TMTC2: variants seen among roughly 807,000 people sequenced by gnomAD.
TMTC2 encodes transmembrane O-mannosyltransferase targeting cadherins 2, also known as protein O-mannosyl-transferase TMTC2.
In TMTC2, 43 loss-of-function variants were observed where a neutral mutation model predicts 82.4. The observed-to-expected ratio is 0.52, with a 90% CI of 0.41 to 0.67. The LOEUF is 0.67. TMTC2 is among the 30% of genes least tolerant of loss of function. The pLI, the probability that TMTC2 is intolerant of heterozygous loss-of-function variation, is 0.00. For missense variants in TMTC2, 919 were observed against 1,012.4 expected (o/e 0.91, Z 1.25); for synonymous variants, 408 against 381.9 (o/e 1.07, Z -0.80).
At chr12:83,109,849 A>C (rs990204284) in intron 11 of TMTC2, among the ~76,000 whole-genome samples, 2 of 152,234 alleles carry the variant, frequency 1.3e-5, no homozygotes, top group African/African-American at 2.4e-5. Flanking sequence ...ATGAATAAAG[A>C]AAAACACTTT....
At chr12:82,837,453 C>CAA (rs1045179082) in intron 1 of TMTC2, among the ~76,000 whole-genome samples, 1 of 151,348 alleles carries the variant, frequency 6.6e-6, no homozygotes, top group African/African-American at 2.4e-5. Context: ...AAAAACAAAA[C>CAA]AAAAAAAAGG....
chr12:82,761,661 G>A lies in TMTC2; in HGVS notation c.83+73992G>A, dbSNP rs1022632813. Reference sequence around the variant, plus strand: ...CCTTATGGTGTCTCTTTTCCACCCCGGAACCCTGCTTGGCAGAAGTGACCT... The same window carrying A: ...CCTTATGGTGTCTCTTTTCCACCCCAGAACCCTGCTTGGCAGAAGTGACCT... On this transcript the variant is annotated intron_variant, in intron 1 of 11. Transcript: ENST00000321196. Among the ~76,000 whole-genome samples the A allele has an allele frequency of 3.9e-5, 6 of 152,122 alleles. No individual in the cohort carries two copies. In the South Asian group the frequency reaches 6.2e-4, roughly 16 times the overall value.
At chr12:82,817,995 T>A (rs1307159663) in intron 1 of TMTC2, among the ~76,000 whole-genome samples, 2 of 152,142 alleles carry the variant, frequency 1.3e-5, no homozygotes, top group African/African-American at 4.8e-5. Flanking sequence ...TACTTTACAC[T>A]TTAAAGGAAG....
chr12:82,896,000 G>A lies in TMTC2; in HGVS notation c.837G>A (p.Lys279=). ...RTLTFFYLPT[K]NLWLLLCPDT... ...TCACCTTCTTCTACTTGCCAACCAA[G>A]AACCTCTGGCTGTTGCTATGTCCAG... The change falls in exon 3 of 12, where the codon AAG becomes AAA. Residue 279 remains lysine, a synonymous_variant. Transcript: ENST00000321196. 6.8e-6 allele frequency: 11 copies of A among 1,613,752 alleles called. No individual in the cohort carries two copies. The highest frequency in any genetic ancestry group is 8.5e-6 in the Non-Finnish European group (10 of 1,179,972).
At chr12:82,910,069 C>A (rs193111431) in intron 3 of TMTC2, among the ~76,000 whole-genome samples, 1 of 152,240 alleles carries the variant, frequency 6.6e-6, no homozygotes, top group East Asian at 1.9e-4. Flanking sequence ...TTCGAGAGGA[C>A]AAACACCTGT....
chr12:82,955,570 GTGA>G (rs1486080697), intron 4 of TMTC2, among the ~76,000 whole-genome samples: 7 of 152,124 alleles, frequency 4.6e-5, no homozygotes, highest in African/African-American at 1.7e-4. Context: ...ACTAGAACAT[GTGA>G]TGATGATCAG....
At chr12:82,841,812 C>T (rs980262822) in intron 1 of TMTC2, among the ~76,000 whole-genome samples, 12 of 152,174 alleles carry the variant, frequency 7.9e-5, no homozygotes, top group African/African-American at 2.7e-4. Context: ...GCGTTTGGCT[C>T]TCATAAAGCT....
chr12:82,895,959 C>T lies in TMTC2; in HGVS notation c.796C>T (p.Leu266Phe). 1 of 1,613,854 alleles carries T rather than the reference C, an allele frequency of 6.2e-7. No homozygotes were observed. The highest frequency in any genetic ancestry group is 1.1e-5 in the South Asian group (1 of 91,046). The part of the protein sequence containing the change: ...SDNPAADSDS[L>F]LTRTLTFFYL... The stretch of plus-strand genomic sequence containing the variant: ...CAACCCCGCTGCTGATTCGGACAGC[C>T]TCCTCACCCGCACTCTCACCTTCTT... Residue 266 changes from leucine to phenylalanine, a missense_variant, in exon 3 of 12, where the codon CTC (leucine) becomes TTC (phenylalanine). Transcript: ENST00000321196.
intron 1 of TMTC2, among the ~76,000 whole-genome samples, chr12:82,782,018 C>G (rs975332832): frequency 2.6e-5 from 4 of 152,092 alleles, no homozygotes; most frequent in Non-Finnish European, 4.4e-5. Flanking sequence ...AGACCTCCCC[C>G]ATCCGCAGAG....
At chr12:82,754,497 G>A (rs1876189960) in intron 1 of TMTC2, among the ~76,000 whole-genome samples, 1 of 152,150 alleles carries the variant, frequency 6.6e-6, no homozygotes, top group Non-Finnish European at 1.5e-5. Context: ...CACTTTGGTA[G>A]GCCGAGGCGG....
chr12:82,974,465 T>C (rs1399219323), intron 7 of TMTC2, among the ~76,000 whole-genome samples: 1 of 152,270 alleles, frequency 6.6e-6, no homozygotes, highest in East Asian at 1.9e-4. Flanking sequence ...GACATAGTCA[T>C]GTGGAAGAAG....
At chr12:82,967,248 C>G (rs1183888700) in intron 7 of TMTC2, among the ~76,000 whole-genome samples, 1 of 152,014 alleles carries the variant, frequency 6.6e-6, no homozygotes, top group Admixed American at 6.6e-5. Context: ...TCAAAAACAT[C>G]TGGGTATGGA....
chr12:82,698,283 A>T (rs957533556), intron 1 of TMTC2, among the ~76,000 whole-genome samples: 1 of 152,194 alleles, frequency 6.6e-6, no homozygotes, highest in Non-Finnish European at 1.5e-5. Flanking sequence ...AAGATAAAAG[A>T]TTACAGTTTT....
At chr12:82,938,351 A>G (rs1876523987) in intron 4 of TMTC2, among the ~76,000 whole-genome samples, 1 of 152,150 alleles carries the variant, frequency 6.6e-6, no homozygotes, top group Non-Finnish European at 1.5e-5. Flanking sequence ...AGAGTTTAAA[A>G]ACAGTTTGGC....
chr12:83,107,491 T>G (rs11115592), intron 11 of TMTC2, among the ~76,000 whole-genome samples: 13,842 of 152,104 alleles, frequency 0.091, 815 homozygotes, highest in African/African-American at 0.15. Context: ...AAGCCATTAA[T>G]CCCCTCATGG....
chr12:83,045,723 ACACG>A (rs1383950495), intron 9 of TMTC2, among the ~76,000 whole-genome samples: 23 of 121,298 alleles, frequency 1.9e-4, no homozygotes, highest in South Asian at 5.9e-4. Flanking sequence ...ACACACACAC[ACACG>A]CACACACACA....
At chr12:83,130,918 C>A (rs1885239492) in intron 11 of TMTC2, among the ~76,000 whole-genome samples, 1 of 152,144 alleles carries the variant, frequency 6.6e-6, no homozygotes, top group South Asian at 2.1e-4. Context: ...ACCCAGATCT[C>A]TTAAAAATCC....
intron 10 of TMTC2, among the ~76,000 whole-genome samples, chr12:83,057,856 TAGAG>T (rs755185723): frequency 9.9e-5 from 15 of 151,178 alleles, no homozygotes; most frequent in African/African-American, 2.5e-4. Flanking sequence ...TAATTGTAGT[TAGAG>T]AGTTTTACTT....
chr12:82,872,045 A>T lies in TMTC2; in HGVS notation c.654+14465A>T, dbSNP rs1303369407. Reference sequence around the variant, plus strand: ...CACACCCCGCAGTTGCCTAGTATGCAGTAAGACTGAGTTTCAAAGTAAAAA... The same window carrying T: ...CACACCCCGCAGTTGCCTAGTATGCTGTAAGACTGAGTTTCAAAGTAAAAA... On this transcript the variant is annotated intron_variant, in intron 2 of 11. Coordinates refer to ENST00000321196, the MANE Select transcript of TMTC2 (RefSeq NM_152588.3). 2.8e-5 allele frequency among the ~76,000 whole-genome samples: 3 copies of T among 106,620 alleles called. No homozygotes were observed. In the Admixed American group the frequency reaches 4.0e-4, roughly 14 times the overall value. 69.9% of individuals were successfully genotyped at this position (106,620 alleles called of 152,430 possible). A position where few individuals can be genotyped will look rare whatever the true frequency, so the allele number is the denominator to read the frequency against.
Sources: gnomAD v4.1 joint callset for allele counts (sites outside exome capture counted in the v4.1 genomes callset) on GRCh38, gnomAD v4.1.1 for gene constraint, MANE v1.5 for transcripts, NCBI Gene and HGNC (gene_info 2026-07-23, HGNC 2026-07-21) for gene names.